The following JAG1 variants were observed in gnomAD, a reference collection of about 807,000 sequenced individuals.
JAG1 encodes the protein jagged canonical Notch ligand 1.
JAG1 carries 23 observed loss-of-function variants against 148.7 expected under a neutral mutation model. That is an observed-to-expected ratio of 0.15 (90% CI 0.11 to 0.22). The LOEUF (loss-of-function observed/expected upper bound fraction) is 0.22, where lower values mean the gene tolerates loss of function less well. JAG1 is among the 10% of genes least tolerant of loss of function. The pLI, the probability that JAG1 is intolerant of heterozygous loss-of-function variation, is 1.00. For missense variants in JAG1, 1,054 were observed against 1,611.2 expected, an observed-to-expected ratio of 0.65 and a Z score of 5.92; for synonymous variants, 572 against 598.3, an observed-to-expected ratio of 0.96 and a Z score of 0.64.
Position 10,663,963 on chromosome 20 carries a change from G to T in JAG1, c.439C>A (p.Gln147Lys). The T allele has an allele frequency of 1.2e-6, 2 of 1,612,920 alleles. No homozygotes were observed. Among genetic ancestry groups the T allele is most frequent in the Non-Finnish European group, 1.7e-6 (2 of 1,178,940 alleles). The change falls in exon 3 of 26, where the codon CAA (glutamine) becomes AAA (lysine). Residue 147 changes from glutamine to lysine, a missense_variant and splice_region_variant. Around this residue, in one of 6 missense-constraint regions of JAG1, gnomAD observed 151 missense variants for 211.1 expected, o/e 0.72. Coordinates refer to ENST00000254958, the MANE Select transcript of JAG1 (RefSeq NM_000214.3). ...EAWDSSNDTVQPDSIIEKASH... is the reference protein window; with the variant it reads ...EAWDSSNDTVKPDSIIEKASH... The stretch of plus-strand genomic sequence containing the variant: ...AAAAGTCCACAGAAGCGATACTTAC[G>T]AACGGTGTCATTACTGGAATCCCAC...
rs142085300 is a variant in JAG1 at position 10,641,499 on chromosome 20, C to T, written c.2877G>A (p.Ala959=). 33 of 1,613,966 alleles carry T rather than the reference C, an allele frequency of 2.0e-5. No individual in the cohort carries two copies. Among genetic ancestry groups the T allele is most frequent in the South Asian group, 9.9e-5 (9 of 91,082 alleles). The change falls in exon 23 of 26, where the codon GCG becomes GCA. Residue 959 remains alanine (A), a synonymous_variant. Transcript: ENST00000254958. The part of the protein sequence containing the change: ...TSDSYYQDNC[A]NITFTFNKEM... ...CCTTGTTAAAGGTAAATGTGATGTT[C>T]GCACAGTTATCCTGGTAATAGGAGT...
Position 10,647,001 on chromosome 20 carries a change from T to C in JAG1, c.1823A>G (p.Gln608Arg), listed in dbSNP as rs200918608. 6.2e-7 allele frequency: 1 copy of C among 1,614,204 alleles called. No individual in the cohort carries two copies. Among genetic ancestry groups the C allele is most frequent in the African/African-American group, 1.3e-5 (1 of 75,064 alleles). ...GTCACAGGTGAATTTGCCTCCCGAC[T>C]GACTCTTGCACTTCCCGTGAGGACC... ...VCGPHGKCKS[Q>R]SGGKFTCDCN... is the part of the protein sequence containing the mutation. Residue 608 changes from glutamine to arginine, a missense_variant, in exon 14 of 26, where the codon CAG becomes CGG. Gln to Arg is a conservative substitution (Grantham distance 43). Around this residue, in one of 6 missense-constraint regions of JAG1, gnomAD observed 245 missense variants for 373.1 expected, o/e 0.66. Coordinates refer to ENST00000254958, the MANE Select transcript of JAG1 (RefSeq NM_000214.3).
intron 14 of JAG1, among the ~76,000 whole-genome samples, 187 bp downstream of exon 14, chr20:10,646,752 G>C (rs1240905887): frequency 6.6e-6 from 1 of 152,088 alleles, no homozygotes; most frequent in African/African-American, 2.4e-5. Context: ...TTGAACCTGG[G>C]AGGCCGAGGT....
At chr20:10,665,546 C>A (rs566669952) in intron 2 of JAG1, among the ~76,000 whole-genome samples, 1 of 152,200 alleles carries the variant, frequency 6.6e-6, no homozygotes, top group Non-Finnish European at 1.5e-5. Flanking sequence ...CTGCAAATTA[C>A]AGGACTCTTC....
chr20:10,653,229 C>T (rs1488655140), intron 5 of JAG1, among the ~76,000 whole-genome samples: 2 of 150,062 alleles, frequency 1.3e-5, no homozygotes, highest in East Asian at 4.0e-4. Context: ...ATTTGTGTCC[C>T]ATTACTGTGT....
At chr20:10,670,484 A>G (rs2067487873) in intron 2 of JAG1, among the ~76,000 whole-genome samples, 1 of 152,240 alleles carries the variant, frequency 6.6e-6, no homozygotes, top group Non-Finnish European at 1.5e-5. Context: ...GCCAAACTAA[A>G]TGAAGCTGTG....
chr20:10,664,451 C>G (rs564063227), intron 2 of JAG1, among the ~76,000 whole-genome samples: 1 of 151,096 alleles, frequency 6.6e-6, no homozygotes, highest in Non-Finnish European at 1.5e-5. Flanking sequence ...GGTATTTGTA[C>G]CGAGGGGGTA....
Position 10,672,960 on chromosome 20 carries a change from T to C in JAG1, c.128A>G (p.Gln43Arg), listed in dbSNP as rs768120031. The change falls in exon 2 of 26, where the codon CAG becomes CGG. Residue 43 changes from glutamine to arginine, a missense_variant. Gln to Arg is a conservative substitution (Grantham distance 43, BLOSUM62 1). Coordinates refer to ENST00000254958, the MANE Select transcript of JAG1 (RefSeq NM_000214.3). ...GQFELEILSM[Q>R]NVNGELQNGN... Reference sequence around the variant, plus strand: ...GTTCTGCAGCTCCCCGTTCACGTTCTGCATGGACAGGATCTCCAACTCGAA... The same window carrying C: ...GTTCTGCAGCTCCCCGTTCACGTTCCGCATGGACAGGATCTCCAACTCGAA... 2.5e-6 allele frequency: 4 copies of C among 1,612,608 alleles called. No individual in the cohort carries two copies. In the South Asian group the frequency reaches 4.4e-5, roughly 18 times the overall value.
At chr20:10,647,467 T>C (rs35851937) in intron 13 of JAG1, among the ~76,000 whole-genome samples, 2,084 of 152,346 alleles carry the variant, frequency 0.014, 20 homozygotes, top group Non-Finnish European at 0.02. Flanking sequence ...GACAATCTTA[T>C]AGAAGCTTTA....
rs554985367 is a variant in JAG1 at position 10,641,902 on chromosome 20, G to A, written c.2573-10C>T. On this transcript the variant is annotated splice_polypyrimidine_tract_variant and intron_variant, in intron 21 of 25. Transcript: ENST00000254958. ...CAAGGTCTCCCTGAAACTGACAGGT[G>A]GAGACGGGTGAGCAGTTTATTTTTC... The A allele has an allele frequency of 4.2e-5, 65 of 1,556,290 alleles. No individual in the cohort carries two copies. The highest frequency in any genetic ancestry group is 5.4e-5 in the Non-Finnish European group (61 of 1,127,154).
In JAG1 at chr20:10,660,620, G is replaced by A. The variant is rs529160947; in HGVS notation, c.440-1898C>T. ...TGCAGTAAGCTTTCCACTTATTTCC[G>A]GGAAGTGTCGTGCAGAGGATCACTT... On this transcript the variant is annotated intron_variant, in intron 3 of 25. Coordinates refer to ENST00000254958, the MANE Select transcript of JAG1 (RefSeq NM_000214.3). 3.9e-5 allele frequency among the ~76,000 whole-genome samples: 6 copies of A among 152,254 alleles called. No individual in the cohort carries two copies. The South Asian group carries it at 6.2e-4, about 16-fold the overall frequency.
intron 8 of JAG1, chr20:10,650,786 T>C (rs1438569415): frequency 1.2e-5 from 3 of 240,004 alleles, no homozygotes; most frequent in Non-Finnish European, 2.5e-5. Flanking sequence ...ATAGCACACC[T>C]AGAGGCTGCA....
chr20:10,650,409 G>A (rs780069212), intron 8 of JAG1, 49 bp from the exon 9 acceptor site: 41 of 1,052,454 alleles, frequency 3.9e-5, no homozygotes, highest in Non-Finnish European at 5.6e-5. Flanking sequence ...CAATCCATCT[G>A]ACAATTAGAT....
chr20:10,657,549 C>T (rs1278528498), intron 4 of JAG1, among the ~76,000 whole-genome samples: 1 of 152,112 alleles, frequency 6.6e-6, no homozygotes, highest in Non-Finnish European at 1.5e-5. Context: ...TCCCCCATGA[C>T]CCACCCCTCT....
intron 14 of JAG1, among the ~76,000 whole-genome samples, chr20:10,646,581 G>A (rs969106583): frequency 1.3e-5 from 2 of 151,672 alleles, no homozygotes; most frequent in African/African-American, 4.8e-5. Flanking sequence ...GTTGGGGGTC[G>A]GGGGGTGGAT....
chr20:10,664,052 G>A, intron 2 of JAG1, 38 bp from the exon 3 acceptor site: 6 of 1,580,650 alleles, frequency 3.8e-6, no homozygotes, highest in Non-Finnish European at 5.2e-6. Flanking sequence ...TTCAGAAACA[G>A]GGTCGACTTT....
chr20:10,643,987 A>T, intron 19 of JAG1, 124 bp from the exon 20 acceptor site: 1 of 771,490 alleles, frequency 1.3e-6, no homozygotes. Flanking sequence ...TGCCTGGGGA[A>T]TTTTAAAAGA....
rs571616065 is a variant in JAG1, at chr20:10,652,651, C to G, written c.756-53G>C. The G allele has an allele frequency of 6.6e-5, 105 of 1,602,632 alleles. No individual in the cohort carries two copies. The South Asian group carries it at 1.1e-3, about 17-fold the overall frequency. On this transcript the variant is annotated intron_variant, in intron 5 of 25. Transcript: ENST00000254958. ...TAGCCTTTTGAACGTTAAGAGACACCTGTACAATTCAAATGGAAGACTGCA... is the reference window on the plus strand; with the variant it reads ...TAGCCTTTTGAACGTTAAGAGACACGTGTACAATTCAAATGGAAGACTGCA...
chr20:10,640,948 G>A lies in JAG1; in HGVS notation c.3049-15C>T. 2 of 1,614,006 alleles carry A rather than the reference G, an allele frequency of 1.2e-6. No individual in the cohort carries two copies. The highest frequency in any genetic ancestry group is 1.1e-5 in the South Asian group (1 of 91,084). Reference sequence around the variant, plus strand: ...TCTTCAGCAGACTGGAAAAACAATTGTCAGACTTGAGAGTCAGAGGAATAC... The same window carrying A: ...TCTTCAGCAGACTGGAAAAACAATTATCAGACTTGAGAGTCAGAGGAATAC... On this transcript the variant is annotated splice_polypyrimidine_tract_variant and intron_variant, in intron 24 of 25. Transcript: ENST00000254958.
Sources: gnomAD v4.1 joint callset for allele counts (sites outside exome capture counted in the v4.1 genomes callset) on GRCh38, gnomAD v4.1.1 for gene constraint, gnomAD v4.1.1 regional missense constraint, MANE v1.5 for transcripts, NCBI Gene and HGNC (gene_info 2026-07-23, HGNC 2026-07-21) for gene names.